The following ZFHX3 variants were observed in gnomAD, a reference collection of about 807,000 sequenced individuals.
ZFHX3 encodes zinc finger homeobox 3.
A neutral mutation model predicts 279.1 loss-of-function variants in ZFHX3; 42 were observed. The ratio of observed to expected loss-of-function variants is 0.15; its 90% CI spans 0.12 to 0.19. ZFHX3 has a LOEUF of 0.19. Among genes scored for constraint, ZFHX3 ranks in the 10% least tolerant of loss-of-function variants. The pLI is 1.00. For missense variants in ZFHX3, 4,981 were observed against 4,754.0 expected (o/e 1.05, Z -1.40); for synonymous variants, 2,293 against 1,957.8 (o/e 1.17, Z -4.52).
At chr16:73,207,023 TAAATAAA>T (rs1258648430) in intron 5 of ZFHX3, among the ~76,000 whole-genome samples, 1 of 1,790 alleles carries the variant, frequency 5.6e-4, no homozygotes, top group Non-Finnish European at 3.6e-3. Flanking sequence ...ATCTCAAAAA[TAAATAAA>T]TAAATAAATA....
At chr16:73,741,630 T>C (rs764671606) in intron 1 of ZFHX3, among the ~76,000 whole-genome samples, 2 of 152,196 alleles carry the variant, frequency 1.3e-5, no homozygotes, top group Non-Finnish European at 2.9e-5. Flanking sequence ...CCACAGAAGC[T>C]TGACCACTGA....
chr16:73,445,298 A>G (rs7501056), intron 3 of ZFHX3, among the ~76,000 whole-genome samples: 5 of 47,050 alleles, frequency 1.1e-4, no homozygotes, highest in Non-Finnish European at 3.2e-4. Context: ...ATATATGTAT[A>G]TGTATGTGTG....
intron 7 of ZFHX3, chr16:73,093,920 T>G (rs1212670401): frequency 4.7e-6 from 1 of 210,784 alleles, no homozygotes; most frequent in African/African-American, 2.3e-5. Context: ...GCAGACAGCT[T>G]AGCTCTAGCA....
intron 1 of ZFHX3, among the ~76,000 whole-genome samples, chr16:73,863,762 T>C (rs1961941521): frequency 6.6e-6 from 1 of 152,206 alleles, no homozygotes; most frequent in African/African-American, 2.4e-5. Context: ...TCTAGCGAAG[T>C]GTATTGTATA....
intron 2 of ZFHX3, among the ~76,000 whole-genome samples, chr16:73,491,671 C>T (rs1174005134): frequency 6.6e-6 from 1 of 152,084 alleles, no homozygotes; most frequent in Non-Finnish European, 1.5e-5. Context: ...ATGATATGGT[C>T]TAAAATGAAA....
chr16:72,931,420 C>T (rs1959796599), intron 3 of ZFHX3, among the ~76,000 whole-genome samples: 1 of 140,940 alleles, frequency 7.1e-6, no homozygotes, highest in Non-Finnish European at 1.6e-5. Flanking sequence ...CACACACACA[C>T]ACACACACAC....
At chr16:73,676,347 G>A (rs1371672995) in intron 2 of ZFHX3, among the ~76,000 whole-genome samples, 1 of 151,984 alleles carries the variant, frequency 6.6e-6, no homozygotes, top group East Asian at 1.9e-4. Flanking sequence ...AATGTATGTT[G>A]CAGGGTGGGG....
chr16:72,883,886 C>T (rs1051413066), intron 4 of ZFHX3, among the ~76,000 whole-genome samples: 1 of 152,016 alleles, frequency 6.6e-6, no homozygotes, highest in African/African-American at 2.4e-5. Context: ...ACAAGACATA[C>T]AGTAAAAAGG....
chr16:73,877,207 G>GC (rs2029980668), intron 1 of ZFHX3, among the ~76,000 whole-genome samples: 1 of 141,946 alleles, frequency 7.0e-6, no homozygotes, highest in African/African-American at 2.6e-5. Context: ...TAGGTCGGGG[G>GC]GGGGTCCCAG....
chr16:72,901,172 G>A (rs1384040107), intron 3 of ZFHX3, among the ~76,000 whole-genome samples: 1 of 152,184 alleles, frequency 6.6e-6, no homozygotes, highest in Non-Finnish European at 1.5e-5. Flanking sequence ...GCTCTTGATG[G>A]GAAAGCATGA....
At chr16:73,053,890 C>T (rs892196549) in intron 1 of ZFHX3, among the ~76,000 whole-genome samples, 1 of 152,102 alleles carries the variant, frequency 6.6e-6, no homozygotes, top group Non-Finnish European at 1.5e-5. Flanking sequence ...TACTGCAGAT[C>T]AAAACAAAAC....
At chr16:73,202,951 T>C (rs1178201981) in intron 5 of ZFHX3, among the ~76,000 whole-genome samples, 2 of 150,730 alleles carry the variant, frequency 1.3e-5, no homozygotes, top group Admixed American at 6.6e-5. Context: ...GACATAACTT[T>C]TTTTTTTCTT....
intron 7 of ZFHX3, among the ~76,000 whole-genome samples, chr16:73,116,032 A>C (rs1184709594): frequency 6.6e-6 from 1 of 152,040 alleles, no homozygotes; most frequent in East Asian, 1.9e-4. Flanking sequence ...AGGCAGGGGA[A>C]TCACTTGAAC....
At chr16:73,349,939 C>T (rs921292398) in intron 3 of ZFHX3, among the ~76,000 whole-genome samples, 1 of 149,096 alleles carries the variant, frequency 6.7e-6, no homozygotes, top group Admixed American at 6.7e-5. Flanking sequence ...TCTCCTTTTC[C>T]CCCCTTTCCA....
intron 1 of ZFHX3, chr16:73,794,243 G>A (rs1018249985): frequency 1.3e-5 from 2 of 152,192 alleles, no homozygotes; most frequent in African/African-American, 4.8e-5. Flanking sequence ...GGACATCGAG[G>A]GCTGGTTGTG....
intron 1 of ZFHX3, among the ~76,000 whole-genome samples, chr16:73,883,399 A>ATGTGTGTGTG (rs34914604): frequency 3.4e-5 from 5 of 149,176 alleles, no homozygotes; most frequent in African/African-American, 1.2e-4. Context: ...AGCCATATAT[A>ATGTGTGTGTG]TGTGTGTGTG....
intron 3 of ZFHX3, among the ~76,000 whole-genome samples, chr16:73,327,645 A>C (rs2015718781): frequency 6.6e-6 from 1 of 152,248 alleles, no homozygotes; most frequent in South Asian, 2.1e-4. Context: ...GACAAGATTC[A>C]GCAAGTATCT....
intron 2 of ZFHX3, among the ~76,000 whole-genome samples, chr16:73,530,486 G>A (rs935921326): frequency 1.1e-4 from 17 of 152,116 alleles, no homozygotes; most frequent in South Asian, 2.1e-4. Context: ...AGTTACAATA[G>A]TTACAAAAGT....
At chr16:72,908,714 A>G (rs1019717198) in intron 3 of ZFHX3, among the ~76,000 whole-genome samples, 1 of 152,160 alleles carries the variant, frequency 6.6e-6, no homozygotes, top group African/African-American at 2.4e-5. Flanking sequence ...GACCTTCAGC[A>G]AGTTACCCGC....
Sources: gnomAD v4.1 joint callset for allele counts (sites outside exome capture counted in the v4.1 genomes callset) on GRCh38, gnomAD v4.1.1 for gene constraint, MANE v1.5 for transcripts, NCBI Gene and HGNC (gene_info 2026-07-23, HGNC 2026-07-21) for gene names.